DTWD2: variants seen among roughly 807,000 people sequenced by gnomAD.
DTWD2 encodes the protein DTW motif tRNA-uridine aminocarboxypropyltransferase 2.
In DTWD2, 39 loss-of-function variants were observed where a neutral mutation model predicts 31.8. The observed-to-expected ratio is 1.22, with a 90% CI of 0.95 to 1.60. DTWD2 has a LOEUF of 1.60. Ranked by LOEUF, DTWD2 falls within the 40% of genes most tolerant of loss-of-function variation. The pLI is 0.00. For missense variants in DTWD2, 515 were observed against 381.5 expected, an observed-to-expected ratio of 1.35 and a Z score of -2.92; for synonymous variants, 180 against 142.8, an observed-to-expected ratio of 1.26 and a Z score of -1.86.
At position 118,874,079 on chromosome 5, in the gene DTWD2, T is replaced by C. The variant is rs75186565; in HGVS notation, c.598-25861A>G. Among the ~76,000 whole-genome samples, 284 of 152,198 alleles carry C rather than the reference T, an allele frequency of 1.9e-3. 6 individuals are homozygous for C. The East Asian group carries it at 0.048, about 26-fold the overall frequency. Reference sequence around the variant, plus strand: ...GAGTTACAGCACTCAGTCTAAGAGGTGGGAGTTGAGCATTGGCCCTGTAAA... The same window carrying C: ...GAGTTACAGCACTCAGTCTAAGAGGCGGGAGTTGAGCATTGGCCCTGTAAA... On this transcript the variant is annotated intron_variant, in intron 4 of 5. Coordinates refer to ENST00000510708, the MANE Select transcript of DTWD2 (RefSeq NM_173666.4).
intron 1 of DTWD2, among the ~76,000 whole-genome samples, chr5:118,964,217 CAAA>C (rs34712667): frequency 8.3e-5 from 7 of 84,756 alleles, no homozygotes; most frequent in South Asian, 3.7e-4. Context: ...GACTCCATCT[CAAA>C]AAAAAAAAAA....
intron 4 of DTWD2, among the ~76,000 whole-genome samples, chr5:118,881,667 G>C (rs752734428): frequency 1.3e-5 from 2 of 152,224 alleles, no homozygotes; most frequent in Middle Eastern, 3.4e-3. Context: ...TTACAATTAC[G>C]GTAGAAAGTG....
chr5:118,981,149 A>G (rs1485066796), intron 1 of DTWD2, among the ~76,000 whole-genome samples: 2 of 152,248 alleles, frequency 1.3e-5, no homozygotes, highest in Non-Finnish European at 2.9e-5. Context: ...GTAAATTCAT[A>G]GAAACAAAAA....
chr5:118,905,242 A>C (rs1753302274), intron 4 of DTWD2, among the ~76,000 whole-genome samples: 1 of 152,088 alleles, frequency 6.6e-6, no homozygotes, highest in Non-Finnish European at 1.5e-5. Flanking sequence ...CCTTTTTCCA[A>C]GGAACTAATA....
Position 118,848,086 on chromosome 5 carries a change from G to A in DTWD2, c.726+4C>T, listed in dbSNP as rs768678615. ...TGAAAAACTATAACCTTACAAAGAC[G>A]TACCTCTTGTATGTAATTATTTTTC... On this transcript the variant is annotated splice_donor_region_variant and intron_variant, in intron 5 of 5. Transcript: ENST00000510708. The A allele has an allele frequency of 8.4e-6, 13 of 1,551,188 alleles. No homozygotes were observed. Among genetic ancestry groups the A allele is most frequent in the South Asian group, 7.6e-5 (6 of 78,788 alleles).
chr5:118,932,961 A>G (rs912640167), intron 3 of DTWD2, among the ~76,000 whole-genome samples: 3 of 152,142 alleles, frequency 2.0e-5, no homozygotes, highest in Non-Finnish European at 4.4e-5. Flanking sequence ...CAAAGACACA[A>G]TTACTGATAT....
intron 4 of DTWD2, among the ~76,000 whole-genome samples, chr5:118,916,272 A>G (rs897168086): frequency 6.6e-6 from 1 of 152,218 alleles, no homozygotes; most frequent in African/African-American, 2.4e-5. Flanking sequence ...AAAATCAGAA[A>G]CAAAGGATAT....
intron 4 of DTWD2, among the ~76,000 whole-genome samples, chr5:118,927,292 C>T (rs1247062998): frequency 1.3e-5 from 2 of 151,822 alleles, no homozygotes; most frequent in Non-Finnish European, 2.9e-5. Context: ...ATTCAGTCTA[C>T]AGAAGTACTC....
intron 4 of DTWD2, among the ~76,000 whole-genome samples, chr5:118,908,580 T>C (rs1309813617): frequency 6.6e-6 from 1 of 151,204 alleles, no homozygotes; most frequent in East Asian, 1.9e-4. Flanking sequence ...TTGTAGAGAC[T>C]GAATTATGAA....
chr5:118,944,570 G>A lies in DTWD2; in HGVS notation c.298C>T (p.His100Tyr), dbSNP rs756594703. 1.2e-6 allele frequency: 2 copies of A among 1,613,242 alleles called. No homozygotes were observed. Among genetic ancestry groups the A allele is most frequent in the Non-Finnish European group, 1.7e-6 (2 of 1,179,562 alleles). ...TTACAAAATCTTACCTCTGCTGGAT[G>A]CTGAATTATGTACAAGTGGGTAGAG... Reference protein sequence around the residue: ...HISTHLYIIQHPAEENKVLRT... With the variant: ...HISTHLYIIQYPAEENKVLRT... The change falls in exon 2 of 6, where the codon CAT becomes TAT. Residue 100 changes from histidine to tyrosine, a missense_variant. Transcript: ENST00000510708.
chr5:118,888,358 G>A (rs1168779335), intron 4 of DTWD2, among the ~76,000 whole-genome samples: 1 of 152,040 alleles, frequency 6.6e-6, no homozygotes, highest in African/African-American at 2.4e-5. Context: ...TATACAATAG[G>A]TACTCATGTT....
chr5:118,914,745 T>C (rs1753535656), intron 4 of DTWD2, among the ~76,000 whole-genome samples: 1 of 152,054 alleles, frequency 6.6e-6, no homozygotes, highest in South Asian at 2.1e-4. Context: ...ACAAGTAAAA[T>C]AAAACAAGTA....
intron 4 of DTWD2, among the ~76,000 whole-genome samples, chr5:118,914,759 G>T (rs1753535961): frequency 6.6e-6 from 1 of 152,126 alleles, no homozygotes; most frequent in Admixed American, 6.5e-5. Flanking sequence ...ACAAGTAAGG[G>T]TGGTTTCTTC....
intron 1 of DTWD2, among the ~76,000 whole-genome samples, chr5:118,973,268 T>A (rs550376228): frequency 1.2e-3 from 178 of 152,322 alleles, no homozygotes; most frequent in Non-Finnish European, 2.3e-3. Context: ...AAGGTTAACG[T>A]TGTTACGTAT....
At chr5:118,879,223 T>C (rs1212042588) in intron 4 of DTWD2, among the ~76,000 whole-genome samples, 1 of 152,126 alleles carries the variant, frequency 6.6e-6, no homozygotes. Flanking sequence ...AATAGCAAAG[T>C]CATGGAATCA....
At chr5:118,912,569 C>T (rs1287292908) in intron 4 of DTWD2, among the ~76,000 whole-genome samples, 1 of 152,192 alleles carries the variant, frequency 6.6e-6, no homozygotes, top group Non-Finnish European at 1.5e-5. Flanking sequence ...TATTGTTTTA[C>T]TCTACTGGAA....
chr5:118,980,937 T>C (rs1231046310), intron 1 of DTWD2, among the ~76,000 whole-genome samples: 1 of 152,132 alleles, frequency 6.6e-6, no homozygotes, highest in Non-Finnish European at 1.5e-5. Context: ...AGCCAAAATG[T>C]AAAAACAACC....
chr5:118,886,174 C>T (rs1256366673), intron 4 of DTWD2, among the ~76,000 whole-genome samples: 4 of 152,228 alleles, frequency 2.6e-5, no homozygotes, highest in Non-Finnish European at 4.4e-5. Flanking sequence ...AATAATTTCT[C>T]ATCTATCCTC....
intron 4 of DTWD2, among the ~76,000 whole-genome samples, chr5:118,908,857 C>T (rs990022917): frequency 6.6e-6 from 1 of 152,124 alleles, no homozygotes; most frequent in African/African-American, 2.4e-5. Context: ...GTAGGAGATA[C>T]CAGCCTTCCT....
Sources: gnomAD v4.1 joint callset for allele counts (sites outside exome capture counted in the v4.1 genomes callset) on GRCh38, gnomAD v4.1.1 for gene constraint, MANE v1.5 for transcripts, NCBI Gene and HGNC (gene_info 2026-07-23, HGNC 2026-07-21) for gene names.